Variants in MIER3 observed in about 807,000 individuals in gnomAD.
MIER3 encodes MIER family member 3.
MIER3 carries 9 observed loss-of-function variants against 63.2 expected under a neutral mutation model. That is an observed-to-expected ratio of 0.14 (90% CI 0.09 to 0.25). MIER3 has a LOEUF of 0.25. MIER3 is among the 10% of genes least tolerant of loss of function. The probability of loss-of-function intolerance (pLI) is 1.00; values close to 1 mark genes in which losing one functional copy is unlikely to be tolerated. For synonymous variants in MIER3, 205 were observed against 224.9 expected (o/e 0.91, Z 0.79); for missense variants, 512 against 666.2 (o/e 0.77, Z 2.55).
At chr5:56,925,344 G>A (rs758158916) in intron 10 of MIER3, 40 of 454,486 alleles carry the variant, frequency 8.8e-5, no homozygotes, top group Non-Finnish European at 1.5e-4. Context: ...TGACATGACT[G>A]TCTACGTAGA....
Position 56,923,763 on chromosome 5 carries a change from A to C in MIER3, c.1123T>G (p.Ser375Ala). 1 of 1,614,184 alleles carries C rather than the reference A, an allele frequency of 6.2e-7. No homozygotes were observed. Among genetic ancestry groups the C allele is most frequent in the Middle Eastern group, 1.6e-4 (1 of 6,062 alleles). Residue 375 changes from serine to alanine, a missense_variant, in exon 12 of 13, where the codon TCT (serine) becomes GCT (alanine). Ser to Ala is a moderately conservative substitution (Grantham distance 99). This residue lies in a region of MIER3 where 218 missense variants were observed against 251.2 expected (regional missense o/e 0.87). Coordinates refer to ENST00000381199, the MANE Select transcript of MIER3 (RefSeq NM_001297599.2). Reference sequence around the variant, plus strand: ...TCAGGAATAGGCTCAGGCCGGTTAGAAGTTAAGGCTGAAGCATTTACCGTC... The same window carrying C: ...TCAGGAATAGGCTCAGGCCGGTTAGCAGTTAAGGCTGAAGCATTTACCGTC... ...GGTVNASALT[S>A]NRPEPIPDQQ...
chr5:56,926,243 T>C (rs1439150636), intron 10 of MIER3, among the ~76,000 whole-genome samples: 3 of 150,404 alleles, frequency 2.0e-5, no homozygotes, highest in Non-Finnish European at 1.5e-5. Flanking sequence ...AAATTCTAAG[T>C]TGGACATAAT....
At chr5:56,925,506 C>T (rs115437106) in intron 10 of MIER3, 56 of 243,928 alleles carry the variant, frequency 2.3e-4, no homozygotes, top group Middle Eastern at 1.5e-3. Context: ...AGACCATTTA[C>T]ATTAGCACCC....
intron 3 of MIER3, among the ~76,000 whole-genome samples, chr5:56,941,787 T>C (rs927503145): frequency 6.6e-6 from 1 of 151,914 alleles, no homozygotes; most frequent in Non-Finnish European, 1.5e-5. Flanking sequence ...GGTGGAGAGA[T>C]ACAAGAGAAG....
Position 56,922,974 on chromosome 5 carries a change from A to C in MIER3, c.*154T>G, listed in dbSNP as rs1156290603. On this transcript the variant is annotated 3_prime_UTR_variant, in exon 13 of 13. Coordinates refer to ENST00000381199, the MANE Select transcript of MIER3 (RefSeq NM_001297599.2). ...CATTTATGGATTGAAAAATGAAAAT[A>C]CTCTTGATAAATCAAGATATAGTTC... The C allele has an allele frequency of 6.2e-6, 4 of 641,820 alleles. No homozygotes were observed. The highest frequency in any genetic ancestry group is 1.8e-5 in the African/African-American group (1 of 54,558). 39.8% of individuals were successfully genotyped at this position (641,820 alleles called of 1,614,324 possible). A position where few individuals can be genotyped will look rare whatever the true frequency, so the allele number is the denominator to read the frequency against.
At chr5:56,936,030 C>G (rs970936793) in intron 5 of MIER3, among the ~76,000 whole-genome samples, 1 of 152,122 alleles carries the variant, frequency 6.6e-6, no homozygotes, top group African/African-American at 2.4e-5. Context: ...AGTTTAAGAC[C>G]AGCCTGGCCG....
Position 56,921,951 on chromosome 5 carries a change from C to T in MIER3, c.*1177G>A, listed in dbSNP as rs1410371293. 6.6e-6 allele frequency: 1 copy of T among 152,580 alleles called. No homozygotes were observed. The highest frequency in any genetic ancestry group is 2.4e-5 in the African/African-American group (1 of 41,432). The allele number at this position is 152,580 out of a possible 1,614,324, so 9.5% of individuals were successfully genotyped here. A position where few individuals can be genotyped will look rare whatever the true frequency, so the allele number is the denominator to read the frequency against. On this transcript the variant is annotated 3_prime_UTR_variant, in exon 13 of 13. Coordinates refer to ENST00000381199, the MANE Select transcript of MIER3 (RefSeq NM_001297599.2). ...CACAATATTTGGAATAAAAATAAAA[C>T]TGAGTTTGAGATACATCTGAACATC...
intron 2 of MIER3, among the ~76,000 whole-genome samples, chr5:56,948,299 A>C (rs1472858670): frequency 1.3e-5 from 2 of 152,216 alleles, no homozygotes; most frequent in Non-Finnish European, 2.9e-5. Context: ...GGTTTACATT[A>C]TGTTATCTTC....
intron 3 of MIER3, among the ~76,000 whole-genome samples, chr5:56,944,480 C>CAA (rs1227372669): frequency 8.2e-6 from 1 of 122,172 alleles, no homozygotes. Context: ...GACTCCGTCT[C>CAA]AAAAAAAAAA....
Position 56,946,907 on chromosome 5 carries a change from A to G in MIER3, c.180+19T>C. Reference sequence around the variant, plus strand: ...TTCAAAATCTTTGTTAAGTTTGTATATTAAAGTAAATCTTATACCTTTTCT... The same window carrying G: ...TTCAAAATCTTTGTTAAGTTTGTATGTTAAAGTAAATCTTATACCTTTTCT... On this transcript the variant is annotated intron_variant, in intron 3 of 12. Coordinates refer to ENST00000381199, the MANE Select transcript of MIER3 (RefSeq NM_001297599.2). 6.8e-7 allele frequency: 1 copy of G among 1,478,896 alleles called. No individual in the cohort carries two copies. Among genetic ancestry groups the G allele is most frequent in the Non-Finnish European group, 9.0e-7 (1 of 1,105,218 alleles). The allele number at this position is 1,478,896 out of a possible 1,614,324, so 91.6% of individuals were successfully genotyped here.
chr5:56,935,400 C>T lies in MIER3; in HGVS notation c.595+28G>A, dbSNP rs1750407863. 3 of 1,530,962 alleles carry T rather than the reference C, an allele frequency of 2.0e-6. No homozygotes were observed. In the African/African-American group the frequency reaches 4.2e-5, roughly 21 times the overall value. The allele number at this position is 1,530,962 out of a possible 1,614,324, so 94.8% of individuals were successfully genotyped here. On this transcript the variant is annotated intron_variant, in intron 7 of 12. Transcript: ENST00000381199. ...TCAAGTGGTAACCTTATCTACCAAA[C>T]ATTATCAAAATCAAAAGCTTTCCTT...
At chr5:56,929,967 T>A (rs1750199982) in intron 9 of MIER3, among the ~76,000 whole-genome samples, 3 of 152,174 alleles carry the variant, frequency 2.0e-5, no homozygotes, top group South Asian at 2.1e-4. Flanking sequence ...GAGCCTAAAA[T>A]AATTTTTTTT....
chr5:56,936,259 C>T (rs1750442790), intron 5 of MIER3, among the ~76,000 whole-genome samples: 1 of 151,814 alleles, frequency 6.6e-6, no homozygotes, highest in South Asian at 2.1e-4. Context: ...TTATGGTATA[C>T]TATTAAATAG....
chr5:56,938,115 C>G (rs1382855830), intron 4 of MIER3, among the ~76,000 whole-genome samples: 1 of 152,212 alleles, frequency 6.6e-6, no homozygotes, highest in Non-Finnish European at 1.5e-5. Flanking sequence ...ATGAACAGCA[C>G]TGACTACTGA....
In MIER3 at chr5:56,923,383, G is replaced by A. The variant is rs750383311; in HGVS notation, c.1398C>T (p.Asn466=). The A allele has an allele frequency of 1.2e-6, 2 of 1,614,134 alleles. No individual in the cohort carries two copies. Among genetic ancestry groups the A allele is most frequent in the South Asian group, 2.2e-5 (2 of 91,080 alleles). The change falls in exon 13 of 13, where the codon AAC becomes AAT. Residue 466 remains asparagine, a synonymous_variant. Coordinates refer to ENST00000381199, the MANE Select transcript of MIER3 (RefSeq NM_001297599.2). The part of the protein sequence containing the change: ...FETGFYHSEL[N]PMNMCSEESE... ...ACTCTTCACTGCACATGTTCATAGG[G>A]TTTAGCTCCGAGTGATAAAATCCAG...
In MIER3 at chr5:56,921,616, T is replaced by C. The variant is rs1749677499; in HGVS notation, c.*1512A>G. 1 of 152,618 alleles carries C rather than the reference T, an allele frequency of 6.6e-6. No individual in the cohort carries two copies. The highest frequency in any genetic ancestry group is 1.5e-5 in the Non-Finnish European group (1 of 68,008). 9.5% of individuals were successfully genotyped at this position (152,618 alleles called of 1,614,324 possible). On this transcript the variant is annotated 3_prime_UTR_variant, in exon 13 of 13. Coordinates refer to ENST00000381199, the MANE Select transcript of MIER3 (RefSeq NM_001297599.2). ...TCATTGCAGTTCACAGTTTGTATAA[T>C]AAATACCCTCCCTTTCAATCACTAC...
chr5:56,939,137 C>G (rs940895709), intron 3 of MIER3, 120 bp from the exon 4 acceptor site: 17 of 1,099,914 alleles, frequency 1.5e-5, no homozygotes, highest in Non-Finnish European at 1.8e-5. Flanking sequence ...AAATCAAAGG[C>G]AAGTTTCAGT....
intron 4 of MIER3, chr5:56,938,258 T>C (rs1159447100): frequency 2.1e-6 from 1 of 471,224 alleles, no homozygotes; most frequent in Admixed American, 2.3e-5. Context: ...GGTACATTAA[T>C]ATCACATTGA....
At chr5:56,947,632 G>C (rs994421563) in intron 2 of MIER3, among the ~76,000 whole-genome samples, 1 of 152,126 alleles carries the variant, frequency 6.6e-6, no homozygotes, top group Admixed American at 6.5e-5. Flanking sequence ...TAAAAGCATT[G>C]TATCACTTTA....
Sources: allele counts gnomAD v4.1 joint callset (sites outside exome capture counted in the v4.1 genomes callset), GRCh38; gene constraint gnomAD v4.1.1; regional missense constraint gnomAD v4.1.1; transcripts MANE v1.5; gene names NCBI Gene and HGNC (gene_info 2026-07-23, HGNC 2026-07-21).